ULK4: variants seen among roughly 807,000 people sequenced by gnomAD.
ULK4 encodes inactive serine/threonine-protein kinase ULK4.
A neutral mutation model predicts 160.6 loss-of-function variants in ULK4; 133 were observed. The observed-to-expected ratio is 0.83, with a 90% confidence interval of 0.72 to 0.96. The LOEUF (loss-of-function observed/expected upper bound fraction) is 0.96. ULK4 is among the 40% of genes least tolerant of loss of function. The pLI is 0.00. For missense variants in ULK4, 1,580 were observed against 1,499.5 expected, an observed-to-expected ratio of 1.05 and a Z score of -0.89; for synonymous variants, 534 against 539.8, an observed-to-expected ratio of 0.99 and a Z score of 0.15.
At chr3:41,413,772 C>T (rs75021046) in intron 34 of ULK4, among the ~76,000 whole-genome samples, 39,917 of 152,094 alleles carry the variant, frequency 0.26, 5,517 homozygotes, top group South Asian at 0.38. Flanking sequence ...TATTAGACTC[C>T]TTTTTCTAGA....
intron 35 of ULK4, among the ~76,000 whole-genome samples, chr3:41,260,868 G>T (rs2078926749): frequency 6.6e-6 from 1 of 152,224 alleles, no homozygotes; most frequent in African/African-American, 2.4e-5. Flanking sequence ...ATGTGAGGCG[G>T]TCTGTCACCC....
intron 25 of ULK4, among the ~76,000 whole-genome samples, chr3:41,707,053 C>T (rs1438152210): frequency 6.6e-6 from 1 of 152,008 alleles, no homozygotes; most frequent in African/African-American, 2.4e-5. Context: ...CATCTGCCTA[C>T]CTCACTTCCA....
chr3:41,549,582 C>T (rs2086990551), intron 32 of ULK4, among the ~76,000 whole-genome samples: 2 of 152,000 alleles, frequency 1.3e-5, no homozygotes, highest in African/African-American at 4.8e-5. Flanking sequence ...TTTGGGTGTT[C>T]TAGAAGTAGA....
chr3:41,775,741 G>A (rs2039588451), intron 21 of ULK4, among the ~76,000 whole-genome samples: 1 of 150,648 alleles, frequency 6.6e-6, no homozygotes, highest in South Asian at 2.1e-4. Flanking sequence ...CATAAATATG[G>A]AAATGAACTA....
chr3:41,268,099 G>A (rs1174738877), intron 35 of ULK4, among the ~76,000 whole-genome samples: 1 of 152,154 alleles, frequency 6.6e-6, no homozygotes, highest in Admixed American at 6.5e-5. Context: ...AGGTGGACTG[G>A]CATCTAATGG....
chr3:41,333,667 T>C (rs2080493417), intron 35 of ULK4, among the ~76,000 whole-genome samples: 1 of 151,588 alleles, frequency 6.6e-6, no homozygotes, highest in Admixed American at 6.6e-5. Context: ...TAGGCAAGAG[T>C]TGAACAGAGC....
At chr3:41,826,436 T>C (rs1559585086) in intron 18 of ULK4, among the ~76,000 whole-genome samples, 1 of 145,586 alleles carries the variant, frequency 6.9e-6, no homozygotes, top group Non-Finnish European at 1.5e-5. Flanking sequence ...GAGACACACA[T>C]AAGCTCAAAA....
At chr3:41,562,124 T>C (rs2087602298) in intron 32 of ULK4, among the ~76,000 whole-genome samples, 1 of 152,194 alleles carries the variant, frequency 6.6e-6, no homozygotes, top group South Asian at 2.1e-4. Context: ...ATTTACCGAG[T>C]AGTCACTCAG....
chr3:41,511,240 C>T (rs2085566992), intron 32 of ULK4, among the ~76,000 whole-genome samples: 1 of 147,498 alleles, frequency 6.8e-6, no homozygotes, highest in African/African-American at 2.5e-5. Flanking sequence ...ACTAGAGAAA[C>T]AAGAACAATT....
chr3:41,706,362 TATATATATATTTA>T (rs1203503643), intron 25 of ULK4, among the ~76,000 whole-genome samples: 1 of 131,082 alleles, frequency 7.6e-6, no homozygotes, highest in Admixed American at 7.3e-5. Context: ...TATATATATT[TATATATATATTTA>T]ATATATATAT....
intron 34 of ULK4, among the ~76,000 whole-genome samples, chr3:41,438,109 A>T (rs906926585): frequency 1.5e-5 from 1 of 64,782 alleles, no homozygotes; most frequent in East Asian, 1.1e-3. Flanking sequence ...GTTTATTGTT[A>T]AAAAAAAAAA....
intron 18 of ULK4, among the ~76,000 whole-genome samples, chr3:41,825,051 C>T (rs1004605171): frequency 3.9e-5 from 6 of 152,186 alleles, no homozygotes; most frequent in Non-Finnish European, 4.4e-5. Flanking sequence ...CCCAGGTGAA[C>T]AGGGTCTGGA....
chr3:41,776,615 A>G (rs978145121), intron 21 of ULK4, among the ~76,000 whole-genome samples: 8 of 115,058 alleles, frequency 7.0e-5, no homozygotes, highest in Admixed American at 4.2e-4. Context: ...TAATTTATTG[A>G]AAGTTTTTAG....
intron 21 of ULK4, among the ~76,000 whole-genome samples, chr3:41,785,520 G>T (rs1464395931): frequency 6.6e-6 from 1 of 152,096 alleles, no homozygotes; most frequent in African/African-American, 2.4e-5. Context: ...GAAGGGAATG[G>T]AACTCTTTTG....
At chr3:41,575,034 T>C (rs904360746) in intron 31 of ULK4, among the ~76,000 whole-genome samples, 1 of 152,146 alleles carries the variant, frequency 6.6e-6, no homozygotes, top group Non-Finnish European at 1.5e-5. Flanking sequence ...ACAAAAATCA[T>C]CAGACAGCAG....
intron 32 of ULK4, among the ~76,000 whole-genome samples, chr3:41,502,903 T>C (rs2085258672): frequency 6.6e-6 from 1 of 152,170 alleles, no homozygotes; most frequent in Non-Finnish European, 1.5e-5. Context: ...GCACATGTAA[T>C]TAGTGCATTT....
intron 34 of ULK4, among the ~76,000 whole-genome samples, chr3:41,411,821 C>G (rs1454523522): frequency 6.6e-6 from 1 of 152,108 alleles, no homozygotes; most frequent in African/African-American, 2.4e-5. Flanking sequence ...CCCCGCCCCT[C>G]TTTTCGTGGA....
chr3:41,446,635 A>C (rs201876705), intron 34 of ULK4, among the ~76,000 whole-genome samples: 39,710 of 150,130 alleles, frequency 0.26, 5,459 homozygotes, highest in East Asian at 0.57. Flanking sequence ...GACAAAAAAA[A>C]CAAACACCGC....
intron 32 of ULK4, among the ~76,000 whole-genome samples, chr3:41,514,010 C>A (rs1217604069): frequency 6.6e-6 from 1 of 152,130 alleles, no homozygotes; most frequent in African/African-American, 2.4e-5. Flanking sequence ...ATGCCCTTTT[C>A]ATAAAACTGG....
Sources: allele counts gnomAD v4.1 joint callset (sites outside exome capture counted in the v4.1 genomes callset), GRCh38; gene constraint gnomAD v4.1.1; transcripts MANE v1.5; gene names NCBI Gene and HGNC (gene_info 2026-07-23, HGNC 2026-07-21).